The following TDG variants were observed in gnomAD, a reference collection of about 807,000 sequenced individuals.
TDG encodes thymine DNA glycosylase.
TDG carries 23 observed loss-of-function variants against 46.1 expected under a neutral mutation model. The observed-to-expected ratio is 0.50, with a 90% confidence interval of 0.36 to 0.71. TDG has a LOEUF of 0.71. TDG is among the 30% of genes least tolerant of loss of function. The pLI, the probability that TDG is intolerant of heterozygous loss-of-function variation, is 0.00. For missense variants in TDG, 304 were observed against 486.7 expected, an observed-to-expected ratio of 0.62 and a Z score of 3.53; for synonymous variants, 115 against 161.3, an observed-to-expected ratio of 0.71 and a Z score of 2.18.
intron 1 of TDG, among the ~76,000 whole-genome samples, chr12:103,975,125 CA>C (rs1424283413): frequency 6.6e-6 from 1 of 152,040 alleles, no homozygotes; most frequent in East Asian, 1.9e-4. Flanking sequence ...TGAGTTTCAT[CA>C]AATATGTGTT....
chr12:103,985,450 T>C (rs960777982), intron 8 of TDG, among the ~76,000 whole-genome samples, 153 bp from the exon 9 acceptor site: 3 of 152,196 alleles, frequency 2.0e-5, no homozygotes, highest in African/African-American at 7.2e-5. Flanking sequence ...TATGTGTTTA[T>C]TTAGTACATG....
At chr12:103,983,112 GACT>G (rs746692975) in intron 5 of TDG, 21 bp from the exon 6 acceptor site, 5 of 1,558,960 alleles carry the variant, frequency 3.2e-6, no homozygotes, top group African/African-American at 1.4e-5. Flanking sequence ...TTATATTTTT[GACT>G]ACTTTTTAAT....
Position 103,982,781 on chromosome 12 carries a change from T to G in TDG, c.479-18T>G. 1 of 1,610,738 alleles carries G rather than the reference T, an allele frequency of 6.2e-7. No homozygotes were observed. The highest frequency in any genetic ancestry group is 8.5e-7 in the Non-Finnish European group (1 of 1,179,450). On this transcript the variant is annotated intron_variant, in intron 4 of 9. Coordinates refer to ENST00000392872, the MANE Select transcript of TDG (RefSeq NM_003211.6). ...CCCTGTCTAAAAAAAAATAAATAAC[T>G]GAATTTTCATTTTACAGGGAAGTGT...
intron 9 of TDG, chr12:103,986,717 A>T (rs1167922571): frequency 2.6e-6 from 1 of 379,224 alleles, no homozygotes; most frequent in Non-Finnish European, 4.9e-6. Flanking sequence ...CGTCTCAAAA[A>T]GAAAAAAAAA....
At chr12:103,984,645 A>T in intron 7 of TDG, 104 bp from the exon 8 acceptor site, 1 of 865,674 alleles carries the variant, frequency 1.2e-6, no homozygotes, top group Non-Finnish European at 1.6e-6. Flanking sequence ...ATATGTAGTT[A>T]AGTATCAAGT....
At position 103,966,179 on chromosome 12, in the gene TDG, C is replaced by T. The variant is rs1473196283; in HGVS notation, c.23+119C>T. ...CCCGGCCGGAATACAAAGGCCGGGGCCGCGCGTGCGCACTGTGGCCTGGTC... is the reference window on the plus strand; with the variant it reads ...CCCGGCCGGAATACAAAGGCCGGGGTCGCGCGTGCGCACTGTGGCCTGGTC... On this transcript the variant is annotated intron_variant, in intron 1 of 9. Coordinates refer to ENST00000392872, the MANE Select transcript of TDG (RefSeq NM_003211.6). 10 of 1,309,150 alleles carry T rather than the reference C, an allele frequency of 7.6e-6. No individual in the cohort carries two copies. The Admixed American group carries it at 3.0e-4, about 40-fold the overall frequency. 81.1% of individuals were successfully genotyped at this position (1,309,150 alleles called of 1,614,324 possible).
chr12:103,980,247 G>A, intron 3 of TDG, 175 bp downstream of exon 3: 1 of 813,966 alleles, frequency 1.2e-6, no homozygotes, highest in Non-Finnish European at 1.8e-6. Context: ...AAGAGGGTGG[G>A]CTCCAAATTT....
At chr12:103,971,284 C>T (rs1324752361) in intron 1 of TDG, among the ~76,000 whole-genome samples, 14 of 152,058 alleles carry the variant, frequency 9.2e-5, no homozygotes, top group East Asian at 1.9e-4. Flanking sequence ...ACAATCTAGC[C>T]GGACACAGTG....
intron 1 of TDG, among the ~76,000 whole-genome samples, chr12:103,974,824 T>A (rs1315207242): frequency 6.6e-6 from 1 of 151,390 alleles, no homozygotes; most frequent in Non-Finnish European, 1.5e-5. Flanking sequence ...TAAAAAAAAA[T>A]TAGCTGGGTG....
chr12:103,980,421 A>T (rs1477661305), intron 3 of TDG: 1 of 258,900 alleles, frequency 3.9e-6, no homozygotes, highest in Non-Finnish European at 7.3e-6. Context: ...CAACTGAATG[A>T]TGCCTGTGGA....
intron 8 of TDG, among the ~76,000 whole-genome samples, chr12:103,985,149 G>A (rs200030644): frequency 8.5e-6 from 1 of 117,386 alleles, no homozygotes; most frequent in African/African-American, 3.0e-5. Flanking sequence ...ATATGTGTGT[G>A]TCTATATATA....
chr12:103,976,257 T>C (rs1278505549), intron 1 of TDG, among the ~76,000 whole-genome samples: 1 of 151,914 alleles, frequency 6.6e-6, no homozygotes, highest in Non-Finnish European at 1.5e-5. Flanking sequence ...TTACAAAAAT[T>C]AGCCAGGCAT....
At chr12:103,973,166 C>G in intron 1 of TDG, 1 of 627,134 alleles carries the variant, frequency 1.6e-6, no homozygotes, top group South Asian at 1.7e-5. Flanking sequence ...CTCACCACAA[C>G]CTCCACCTCC....
In TDG at chr12:103,987,589, G is replaced by A. The variant is rs1872237506; in HGVS notation, c.*499G>A. The A allele has an allele frequency of 6.4e-6, 1 of 155,374 alleles. No individual in the cohort carries two copies. The highest frequency in any genetic ancestry group is 1.4e-5 in the Non-Finnish European group (1 of 69,658). The allele number at this position is 155,374 out of a possible 1,614,324, so 9.6% of individuals were successfully genotyped here. A position where few individuals can be genotyped will look rare whatever the true frequency, so the allele number is the denominator to read the frequency against. ...AGTGGTAACTAAGGGTAAACTCAGG[G>A]TTCCCTGAGCTATATGCACACTCAG... On this transcript the variant is annotated 3_prime_UTR_variant, in exon 10 of 10. Transcript: ENST00000392872.
chr12:103,977,208 G>C, intron 2 of TDG, 148 bp downstream of exon 2: 1 of 1,131,952 alleles, frequency 8.8e-7, no homozygotes, highest in Non-Finnish European at 1.2e-6. Context: ...GCACTGATAG[G>C]TTCTGGGGAA....
chr12:103,975,778 C>T (rs1871508745), intron 1 of TDG, among the ~76,000 whole-genome samples: 1 of 152,140 alleles, frequency 6.6e-6, no homozygotes, highest in Admixed American at 6.5e-5. Context: ...TCTCCTGCCT[C>T]AGCCTCCCAA....
intron 2 of TDG, 137 bp from the exon 3 acceptor site, chr12:103,979,694 G>T (rs1163494399): frequency 9.6e-7 from 1 of 1,047,064 alleles, no homozygotes. Context: ...TTGCAGAGGA[G>T]ACTCATGTTG....
chr12:103,985,164 CAT>C (rs1378867604), intron 8 of TDG, among the ~76,000 whole-genome samples: 8 of 63,334 alleles, frequency 1.3e-4, no homozygotes, highest in Non-Finnish European at 2.4e-4. Context: ...TATATAGACA[CAT>C]ACACACACAC....
Position 103,980,101 on chromosome 12 carries a change from T to G in TDG, c.408+29T>G, listed in dbSNP as rs1490766609. ...AGATCTTTGTCCTCGTTGGATTTTA[T>G]AAGTAGTATTGGGGGATCAGCTTTA... On this transcript the variant is annotated intron_variant, in intron 3 of 9. Coordinates refer to ENST00000392872, the MANE Select transcript of TDG (RefSeq NM_003211.6). The G allele has an allele frequency of 7.4e-6, 12 of 1,612,580 alleles. No individual in the cohort carries two copies. The Admixed American group carries it at 2.0e-4, about 27-fold the overall frequency.
Sources: allele counts gnomAD v4.1 joint callset (sites outside exome capture counted in the v4.1 genomes callset), GRCh38; gene constraint gnomAD v4.1.1; transcripts MANE v1.5; gene names NCBI Gene and HGNC (gene_info 2026-07-23, HGNC 2026-07-21).